Variants in NDFIP2 observed in about 807,000 individuals in gnomAD.
NDFIP2 encodes the protein NEDD4 family-interacting protein 2.
A neutral mutation model predicts 36.0 loss-of-function variants in NDFIP2; 19 were observed. The observed-to-expected ratio is 0.53, with a 90% CI of 0.37 to 0.77. The LOEUF (loss-of-function observed/expected upper bound fraction) is 0.77. NDFIP2 is among the 30% of genes least tolerant of loss of function. NDFIP2 has a pLI of 0.00. For missense variants in NDFIP2, 446 were observed against 435.8 expected (o/e 1.02, Z -0.21); for synonymous variants, 181 against 167.7 (o/e 1.08, Z -0.61).
intron 1 of NDFIP2, among the ~76,000 whole-genome samples, chr13:79,500,854 C>A (rs1025564171): frequency 5.3e-5 from 8 of 151,992 alleles, no homozygotes; most frequent in Non-Finnish European, 1.2e-4. Flanking sequence ...ACGGTCCATT[C>A]AAAAACATGC....
chr13:79,492,329 G>T (rs1049793104), intron 1 of NDFIP2, among the ~76,000 whole-genome samples: 1 of 150,524 alleles, frequency 6.6e-6, no homozygotes, highest in Non-Finnish European at 1.5e-5. Flanking sequence ...TCCTCACCTC[G>T]GGAGAGCTTT....
chr13:79,485,943 T>C (rs1367410773), intron 1 of NDFIP2, among the ~76,000 whole-genome samples: 1 of 152,168 alleles, frequency 6.6e-6, no homozygotes, highest in Non-Finnish European at 1.5e-5. Flanking sequence ...TGAATCATAT[T>C]TGTAGAATAT....
rs1361598382 is a variant in NDFIP2, at chr13:79,554,295, A to T, written c.*1782A>T. The T allele has an allele frequency of 6.6e-6, 1 of 151,650 alleles. No individual in the cohort carries two copies. Among genetic ancestry groups the T allele is most frequent in the Non-Finnish European group, 1.5e-5 (1 of 67,664 alleles). 9.4% of individuals were successfully genotyped at this position (151,650 alleles called of 1,614,324 possible). On this transcript the variant is annotated 3_prime_UTR_variant, in exon 8 of 8. Coordinates refer to ENST00000218652, the MANE Select transcript of NDFIP2 (RefSeq NM_019080.3). ...TAAACTGTACTAATAACATATTCAA[A>T]CTCATGCTGGATCTCTTTCATATTA...
intron 3 of NDFIP2, 104 bp downstream of exon 3, chr13:79,533,560 A>G (rs560349846): frequency 4.6e-6 from 5 of 1,095,402 alleles, no homozygotes; most frequent in South Asian, 2.0e-5. Flanking sequence ...GTGTATGTAG[A>G]TTTTTTTTGA....
Position 79,548,391 on chromosome 13 carries a change from C to G in NDFIP2, c.904C>G (p.Leu302Val), listed in dbSNP as rs773601204. 1.8e-5 allele frequency: 28 copies of G among 1,580,710 alleles called. No homozygotes were observed. Among genetic ancestry groups the G allele is most frequent in the Non-Finnish European group, 2.4e-5 (28 of 1,157,506 alleles). ...TTGGCTTTGGTGGATATTTCTTGTA[C>G]TTGGTAAGTTTATTCTTAATGCATT... is the stretch of plus-strand genomic sequence containing the variant. Reference protein sequence around the residue: ...QYWLWWIFLVLGLLLFFRGFV... With the variant: ...QYWLWWIFLVVGLLLFFRGFV... The change falls in exon 6 of 8, where the codon CTT becomes GTT. Residue 302 changes from leucine to valine, a missense_variant. Physicochemically the swap from Leu to Val is conservative, Grantham distance 32. Transcript: ENST00000218652.
rs144713868 is a variant in NDFIP2, at chr13:79,544,428, G to A, written c.840+746G>A. Among the ~76,000 whole-genome samples, 198 of 151,130 alleles carry A rather than the reference G, an allele frequency of 1.3e-3. 2 individuals are homozygous for A. In the East Asian group the frequency reaches 0.034, roughly 26 times the overall value. ...AATTGCATAGGCATTAGTGTTGTTC[G>A]CATAATCATCCCCCAGCCTTTTGAA... On this transcript the variant is annotated intron_variant, in intron 5 of 7. Transcript: ENST00000218652.
chr13:79,519,277 A>T (rs1208394889), intron 1 of NDFIP2: 1 of 152,236 alleles, frequency 6.6e-6, no homozygotes, highest in Non-Finnish European at 1.5e-5. Context: ...ATAATATGGA[A>T]AACTAGTAGT....
intron 1 of NDFIP2, among the ~76,000 whole-genome samples, chr13:79,518,382 T>G (rs181671387): frequency 6.6e-6 from 1 of 152,360 alleles, no homozygotes; most frequent in East Asian, 1.9e-4. Context: ...ATTTTAGGCA[T>G]GGTTATGACA....
intron 1 of NDFIP2, among the ~76,000 whole-genome samples, chr13:79,514,990 G>A (rs995479158): frequency 2.6e-5 from 4 of 152,126 alleles, no homozygotes; most frequent in African/African-American, 7.2e-5. Flanking sequence ...TGAACAATGG[G>A]GATATGCTCT....
chr13:79,512,380 C>G (rs1195751043), intron 1 of NDFIP2, among the ~76,000 whole-genome samples: 1 of 152,044 alleles, frequency 6.6e-6, no homozygotes, highest in Non-Finnish European at 1.5e-5. Flanking sequence ...GCTTTGTTAT[C>G]AAGCACATGG....
intron 1 of NDFIP2, among the ~76,000 whole-genome samples, chr13:79,518,643 G>A (rs1874444493): frequency 6.6e-6 from 1 of 152,152 alleles, no homozygotes; most frequent in East Asian, 1.9e-4. Flanking sequence ...AAATCCTTCA[G>A]TGTGTTGGTT....
intron 1 of NDFIP2, among the ~76,000 whole-genome samples, chr13:79,505,812 T>C (rs1873843218): frequency 6.6e-6 from 1 of 152,082 alleles, no homozygotes; most frequent in South Asian, 2.1e-4. Flanking sequence ...AAAGCCCTTA[T>C]GAATCATTGT....
chr13:79,533,520 A>C, intron 3 of NDFIP2, 64 bp downstream of exon 3: 2 of 1,434,650 alleles, frequency 1.4e-6, no homozygotes, highest in Non-Finnish European at 9.3e-7. Context: ...TACATTTAGT[A>C]ATACTAAAAA....
intron 7 of NDFIP2, among the ~76,000 whole-genome samples, 191 bp from the exon 8 acceptor site, chr13:79,552,325 A>G (rs1283282202): frequency 2.0e-5 from 3 of 151,460 alleles, no homozygotes; most frequent in Non-Finnish European, 3.0e-5. Flanking sequence ...CTAAAATACA[A>G]TGCAAATATT....
chr13:79,484,878 T>C (rs944226117), intron 1 of NDFIP2, among the ~76,000 whole-genome samples: 2 of 152,210 alleles, frequency 1.3e-5, no homozygotes, highest in African/African-American at 2.4e-5. Context: ...AGTTTCCTTA[T>C]ATTAGTATCT....
intron 1 of NDFIP2, among the ~76,000 whole-genome samples, chr13:79,493,456 A>G (rs1199862949): frequency 2.6e-5 from 4 of 152,142 alleles, no homozygotes; most frequent in Non-Finnish European, 2.9e-5. Flanking sequence ...AGTGGCTTGC[A>G]TTTGCAAGAT....
chr13:79,504,485 A>G lies in NDFIP2; in HGVS notation c.322-16325A>G, dbSNP rs1029202888. On this transcript the variant is annotated intron_variant, in intron 1 of 7. Transcript: ENST00000218652. ...GAGTGCAGTTATCAAAATCTGTAGC[A>G]TTGGTGCAATATTAAACATATTTCA... is the stretch of plus-strand genomic sequence containing the variant. 3.3e-5 allele frequency among the ~76,000 whole-genome samples: 5 copies of G among 152,198 alleles called. No homozygotes were observed. In the East Asian group the frequency reaches 7.7e-4, roughly 23 times the overall value.
At chr13:79,530,466 C>T (rs988467669) in intron 2 of NDFIP2, among the ~76,000 whole-genome samples, 2 of 152,148 alleles carry the variant, frequency 1.3e-5, no homozygotes, top group Non-Finnish European at 2.9e-5. Context: ...TTTGCTACAT[C>T]AATTGACTCT....
At chr13:79,525,211 C>T (rs549846305) in intron 2 of NDFIP2, among the ~76,000 whole-genome samples, 1 of 152,338 alleles carries the variant, frequency 6.6e-6, no homozygotes, top group South Asian at 2.1e-4. Flanking sequence ...TGGTGCAACA[C>T]ATTGCCATCA....
Sources: allele counts gnomAD v4.1 joint callset (sites outside exome capture counted in the v4.1 genomes callset), GRCh38; gene constraint gnomAD v4.1.1; transcripts MANE v1.5; gene names NCBI Gene and HGNC (gene_info 2026-07-23, HGNC 2026-07-21).